Variants in ABCC5 observed in about 807,000 individuals in gnomAD.
The protein encoded by ABCC5 is ATP-binding cassette sub-family C member 5.
In ABCC5, 61 loss-of-function variants were observed where a neutral mutation model predicts 160.9. The ratio of observed to expected loss-of-function variants is 0.38; its 90% CI spans 0.31 to 0.47. The LOEUF is 0.47. Ranked by LOEUF, ABCC5 falls within the 20% of genes least tolerant of loss-of-function variation. The pLI is 0.99. For synonymous variants in ABCC5, 666 were observed against 700.6 expected, an observed-to-expected ratio of 0.95 and a Z score of 0.78; for missense variants, 1,308 against 1,813.3, an observed-to-expected ratio of 0.72 and a Z score of 5.06.
At chr3:183,996,097 G>A (rs1720263250) in intron 2 of ABCC5, among the ~76,000 whole-genome samples, 2 of 152,162 alleles carry the variant, frequency 1.3e-5, no homozygotes, top group East Asian at 1.9e-4. Context: ...GTAAGCCACC[G>A]TGTCCGGCCA....
At position 183,982,616 on chromosome 3, in the gene ABCC5, G is replaced by A. The variant is rs752667886; in HGVS notation, c.834C>T (p.Asn278=). ...TTCTCTGCCCATCGTTGGAGCAAAT[G>A]TTGATGAGCTATAAGATACAAAGAG... ...IKEKSLGELI[N]ICSNDGQRMF... is the part of the protein sequence containing the mutation. Residue 278 remains asparagine, a synonymous_variant, in exon 7 of 30, where the codon AAC becomes AAT. Transcript: ENST00000334444. This position sits in a 1 kb window ranked among gnomAD's most constrained non-coding sequence, Gnocchi z 5.2. 32 of 1,614,044 alleles carry A rather than the reference G, an allele frequency of 2.0e-5. No homozygotes were observed. The highest frequency in any genetic ancestry group is 2.3e-5 in the Non-Finnish European group (27 of 1,180,034).
At chr3:184,003,899 G>A (rs1282199666) in intron 2 of ABCC5, among the ~76,000 whole-genome samples, 6 of 152,132 alleles carry the variant, frequency 3.9e-5, no homozygotes, top group Non-Finnish European at 5.9e-5. Context: ...GGGGTAAAAC[G>A]GGATTTACAG....
At chr3:184,015,567 T>C (rs558873968) in intron 1 of ABCC5, among the ~76,000 whole-genome samples, 11 of 152,282 alleles carry the variant, frequency 7.2e-5, no homozygotes, top group Middle Eastern at 6.8e-3. Flanking sequence ...ACTAATCCTC[T>C]GAATAAAAAG....
intron 17 of ABCC5, among the ~76,000 whole-genome samples, chr3:183,956,775 C>T (rs1417653333): frequency 1.7e-5 from 1 of 58,046 alleles, no homozygotes; most frequent in South Asian, 5.9e-4. Flanking sequence ...TACATCACAT[C>T]GGTTACATGC....
chr3:183,999,341 A>G (rs1396866408), intron 2 of ABCC5, among the ~76,000 whole-genome samples: 3 of 152,210 alleles, frequency 2.0e-5, no homozygotes, highest in Non-Finnish European at 4.4e-5. Context: ...AGTTATCAAC[A>G]TTCTAAGGTT....
In ABCC5 at chr3:183,947,676, G is replaced by A. The variant is rs1053935225; in HGVS notation, c.3228-166C>T. Among the ~76,000 whole-genome samples the A allele has an allele frequency of 2.6e-5, 4 of 151,990 alleles. No individual in the cohort carries two copies. In the East Asian group the frequency reaches 7.7e-4, roughly 29 times the overall value. ...AGGAGGGTATTCTAGGAATTCTGGA[G>A]GTATTCTAGGCCGCATGCATAGGAG... On this transcript the variant is annotated intron_variant, in intron 22 of 29. Coordinates refer to ENST00000334444, the MANE Select transcript of ABCC5 (RefSeq NM_005688.4).
intron 11 of ABCC5, among the ~76,000 whole-genome samples, chr3:183,970,074 C>T (rs1717595188): frequency 6.6e-6 from 1 of 152,216 alleles, no homozygotes; most frequent in Non-Finnish European, 1.5e-5. Flanking sequence ...TGATCCTCTT[C>T]ATACATAAGT....
chr3:183,965,639 CT>C, intron 12 of ABCC5, 138 bp from the exon 13 acceptor site: 2 of 1,139,684 alleles, frequency 1.8e-6, no homozygotes, highest in Non-Finnish European at 2.5e-6. Flanking sequence ...CAGATTCCAC[CT>C]TTAATTCCAA....
At chr3:183,992,495 G>A (rs1230035904) in intron 2 of ABCC5, among the ~76,000 whole-genome samples, 2 of 152,208 alleles carry the variant, frequency 1.3e-5, no homozygotes, top group African/African-American at 4.8e-5. Flanking sequence ...AGAATAAGGT[G>A]AGATTTTCAT....
At chr3:184,006,306 A>G (rs1458293587) in intron 2 of ABCC5, 4 of 151,966 alleles carry the variant, frequency 2.6e-5, no homozygotes, top group African/African-American at 9.7e-5. Flanking sequence ...AGAAGAAAAA[A>G]AAAAAAAAAA....
chr3:183,956,360 G>A (rs78411961), intron 17 of ABCC5, among the ~76,000 whole-genome samples: 5 of 147,454 alleles, frequency 3.4e-5, no homozygotes, highest in Non-Finnish European at 4.5e-5. Context: ...ATATCACATC[G>A]GTTACATGCA....
At chr3:183,983,058 C>A in intron 5 of ABCC5, 51 bp from the exon 6 acceptor site, 1 of 1,476,344 alleles carries the variant, frequency 6.8e-7, no homozygotes, top group Non-Finnish European at 9.5e-7. Context: ...CACTCACACA[C>A]AATGCCATAG....
rs774389669 is a variant in ABCC5, at chr3:183,971,979, A to C, written c.1405-60T>G. The C allele has an allele frequency of 1.9e-6, 3 of 1,607,258 alleles. No homozygotes were observed. The East Asian group carries it at 6.7e-5, about 36-fold the overall frequency. ...ACACTGGATCAAGACCAGGGAGACA[A>C]GCCTAGGGCGTACACTCACGTAGCA... On this transcript the variant is annotated intron_variant, in intron 10 of 29. Transcript: ENST00000334444.
intron 25 of ABCC5, among the ~76,000 whole-genome samples, chr3:183,940,892 CTT>C (rs1361686435): frequency 1.3e-5 from 2 of 152,020 alleles, no homozygotes; most frequent in African/African-American, 4.8e-5. Flanking sequence ...GAGTTTCGCT[CTT>C]GTTGCTCAGG....
chr3:184,000,097 A>T (rs11718755), intron 2 of ABCC5, among the ~76,000 whole-genome samples: 15,889 of 151,902 alleles, frequency 0.1, 1,164 homozygotes, highest in East Asian at 0.34. Context: ...GGCGGCTCAC[A>T]CCTACAATCC....
At chr3:183,996,715 T>C (rs544946999) in intron 2 of ABCC5, among the ~76,000 whole-genome samples, 2 of 152,218 alleles carry the variant, frequency 1.3e-5, no homozygotes, top group South Asian at 4.1e-4. Flanking sequence ...ATAAAAGTGG[T>C]TGAAATAGCA....
Position 183,988,181 on chromosome 3 carries a change from A to G in ABCC5, c.444-264T>C, listed in dbSNP as rs1443314256. Among the ~76,000 whole-genome samples the G allele has an allele frequency of 6.6e-6, 1 of 152,322 alleles. No homozygotes were observed. The highest frequency in any genetic ancestry group is 1.9e-4 in the East Asian group (1 of 5,196). Reference sequence around the variant, plus strand: ...TTCCACCCAGGAAAATGATCCCTGAATGCAATTTGTGAATAAGAACTTTCT... The same window carrying G: ...TTCCACCCAGGAAAATGATCCCTGAGTGCAATTTGTGAATAAGAACTTTCT... On this transcript the variant is annotated intron_variant, in intron 4 of 29. Coordinates refer to ENST00000334444, the MANE Select transcript of ABCC5 (RefSeq NM_005688.4). The surrounding 1 kb of genome is among the most constrained non-coding windows in gnomAD (Gnocchi z 4.4).
At chr3:183,991,168 G>A (rs763427697) in intron 2 of ABCC5, among the ~76,000 whole-genome samples, 3 of 151,994 alleles carry the variant, frequency 2.0e-5, no homozygotes, top group East Asian at 1.9e-4. Context: ...ATGGTGATGC[G>A]TGCCTGCAGT....
intron 2 of ABCC5, among the ~76,000 whole-genome samples, chr3:184,005,971 T>C (rs1271236246): frequency 6.6e-6 from 1 of 151,624 alleles, no homozygotes. Context: ...GAAAGTTCCT[T>C]TAACTCATGC....
Sources: allele counts gnomAD v4.1 joint callset (sites outside exome capture counted in the v4.1 genomes callset), GRCh38; gene constraint gnomAD v4.1.1; non-coding constraint Gnocchi (gnomAD v3.1); transcripts MANE v1.5; gene names NCBI Gene and HGNC (gene_info 2026-07-23, HGNC 2026-07-21).